Variants in VDAC1 observed in about 807,000 individuals in gnomAD.
The protein encoded by VDAC1 is non-selective voltage-gated ion channel VDAC1.
A neutral mutation model predicts 34.7 loss-of-function variants in VDAC1; 10 were observed. That is an observed-to-expected ratio of 0.29 (90% CI 0.18 to 0.49). The LOEUF (loss-of-function observed/expected upper bound fraction) is 0.49. Among genes scored for constraint, VDAC1 ranks in the 20% least tolerant of loss-of-function variants. The probability of loss-of-function intolerance (pLI) is 0.99; values close to 1 mark genes in which losing one functional copy is unlikely to be tolerated. For missense variants in VDAC1, 230 were observed against 347.9 expected, an observed-to-expected ratio of 0.66 and a Z score of 2.69; for synonymous variants, 130 against 136.0, an observed-to-expected ratio of 0.96 and a Z score of 0.30.
At position 133,972,640 on chromosome 5, in the gene VDAC1, A is replaced by G. The variant is rs774928159; in HGVS notation, c.*131T>C. The G allele has an allele frequency of 2.6e-5, 20 of 765,850 alleles. No individual in the cohort carries two copies. Among genetic ancestry groups the G allele is most frequent in the Non-Finnish European group, 4.0e-5 (19 of 477,580 alleles). The allele number at this position is 765,850 out of a possible 1,614,324, so 47.4% of individuals were successfully genotyped here. ...AGGGTAACATCTTAAAGCTGAATCA[A>G]CTTTAACCTGGAGGGCTAACATATT... is the stretch of plus-strand genomic sequence containing the variant. On this transcript the variant is annotated 3_prime_UTR_variant, in exon 9 of 9. Coordinates refer to ENST00000265333, the MANE Select transcript of VDAC1 (RefSeq NM_003374.3).
At chr5:134,062,651 G>C in the VDAC1 span, among the ~76,000 whole-genome samples, 1 of 151,438 alleles carries the variant, frequency 6.6e-6, no homozygotes, top group Non-Finnish European at 1.5e-5. Context: ...GTTTGCGATG[G>C]AGTCTTGCTC....
rs565191003 is a variant in VDAC1 at position 133,976,938 on chromosome 5, G to C, written c.552-917C>G. ...AGGTGCCTGTAATCCCAGCAACCTG[G>C]GGGGGTGAGGCAGGAGAATCGTCTG... On this transcript the variant is annotated intron_variant, in intron 6 of 8. Coordinates refer to ENST00000265333, the MANE Select transcript of VDAC1 (RefSeq NM_003374.3). 5.3e-5 allele frequency among the ~76,000 whole-genome samples: 8 copies of C among 152,178 alleles called. No homozygotes were observed. In the East Asian group the frequency reaches 9.7e-4, roughly 18 times the overall value.
At chr5:134,042,682 G>A in the VDAC1 span, among the ~76,000 whole-genome samples, 1 of 152,108 alleles carries the variant, frequency 6.6e-6, no homozygotes, top group African/African-American at 2.4e-5. Context: ...TCGTAGAGAT[G>A]GGGTTTCACC....
the VDAC1 span, among the ~76,000 whole-genome samples, chr5:134,024,917 G>A: frequency 5.5e-3 from 835 of 152,298 alleles, 10 homozygotes; most frequent in African/African-American, 0.019. Context: ...TACCATACAC[G>A]TGAGTGAAGC....
the VDAC1 span, among the ~76,000 whole-genome samples, chr5:134,080,238 C>G: frequency 6.6e-6 from 1 of 152,240 alleles, no homozygotes; most frequent in Non-Finnish European, 1.5e-5. Flanking sequence ...CTTTCACAGT[C>G]CCTGGTGGCC....
At position 133,989,477 on chromosome 5, in the gene VDAC1, A is replaced by G. The variant is rs573263656; in HGVS notation, c.323+1378T>C. Among the ~76,000 whole-genome samples the G allele has an allele frequency of 1.8e-4, 27 of 151,772 alleles. No individual in the cohort carries two copies. In the East Asian group the frequency reaches 3.5e-3, roughly 20 times the overall value. On this transcript the variant is annotated intron_variant, in intron 5 of 8. Coordinates refer to ENST00000265333, the MANE Select transcript of VDAC1 (RefSeq NM_003374.3). ...TGGGTTCAAGCGATTCTCATGCCTC[A>G]GCATCCCAAGTATCTGGGACTACAG...
At chr5:134,001,362 A>G (rs1210082508) in intron 1 of VDAC1, among the ~76,000 whole-genome samples, 1 of 152,172 alleles carries the variant, frequency 6.6e-6, no homozygotes, top group African/African-American at 2.4e-5. Context: ...GAGCCCCCAG[A>G]AAGGTGCTGA....
At chr5:134,105,114 C>T in the VDAC1 span, among the ~76,000 whole-genome samples, 177 of 152,286 alleles carry the variant, frequency 1.2e-3, 1 homozygote, top group Non-Finnish European at 2.2e-3. Flanking sequence ...GAACTCGCTC[C>T]GTGAATGGAT....
At chr5:134,054,309 G>A in the VDAC1 span, among the ~76,000 whole-genome samples, 1 of 152,166 alleles carries the variant, frequency 6.6e-6, no homozygotes, top group Non-Finnish European at 1.5e-5. Context: ...GCAGGAACAA[G>A]GTGCAGCGGC....
intron 8 of VDAC1, 82 bp downstream of exon 8, chr5:133,973,709 A>G: frequency 1.6e-6 from 2 of 1,289,812 alleles, no homozygotes; most frequent in East Asian, 2.3e-5. Flanking sequence ...TAAACATTTT[A>G]TAAGCAATGA....
At chr5:133,991,231 T>C in intron 3 of VDAC1, 77 bp from the exon 4 acceptor site, 1 of 1,575,364 alleles carries the variant, frequency 6.3e-7, no homozygotes, top group Non-Finnish European at 8.6e-7. Context: ...ACACTATACT[T>C]GCCTTTCTGC....
At chr5:134,084,757 A>T in the VDAC1 span, among the ~76,000 whole-genome samples, 1 of 152,266 alleles carries the variant, frequency 6.6e-6, no homozygotes, top group Admixed American at 6.5e-5. Context: ...TGGGCTTCAA[A>T]ACCTGCCAGG....
chr5:134,097,862 T>C, the VDAC1 span, among the ~76,000 whole-genome samples: 2 of 152,086 alleles, frequency 1.3e-5, no homozygotes, highest in Non-Finnish European at 2.9e-5. Flanking sequence ...CCTTTCTTTT[T>C]CTTTTTCTTT....
chr5:134,081,165 G>A, the VDAC1 span, among the ~76,000 whole-genome samples: 4 of 151,960 alleles, frequency 2.6e-5, no homozygotes, highest in African/African-American at 7.3e-5. Context: ...AGCCTCCCAA[G>A]TAGCTGGAAT....
intron 1 of VDAC1, among the ~76,000 whole-genome samples, chr5:134,004,305 G>A (rs931802813): frequency 1.3e-5 from 2 of 152,074 alleles, no homozygotes; most frequent in Middle Eastern, 6.8e-3. Context: ...GGCGCCGCCG[G>A]GGAAGGTCAC....
At position 133,975,093 on chromosome 5, in the gene VDAC1, A is replaced by G. The variant is rs368260240; in HGVS notation, c.702+778T>C. 2.9e-3 allele frequency among the ~76,000 whole-genome samples: 439 copies of G among 152,046 alleles called. 3 individuals are homozygous for G. The highest frequency in any genetic ancestry group is 9.3e-3 in the African/African-American group (385 of 41,484). On this transcript the variant is annotated intron_variant, in intron 7 of 8. Transcript: ENST00000265333. ...ACCAGCCCAGGCAACAGAGTGAGAC[A>G]TTGTCTCTACTAAAAATTTTTTTTT...
At chr5:133,987,016 C>T (rs943914330) in intron 5 of VDAC1, among the ~76,000 whole-genome samples, 2 of 152,108 alleles carry the variant, frequency 1.3e-5, no homozygotes, top group African/African-American at 4.8e-5. Context: ...ATAGCTCTTC[C>T]TTACGGTAGA....
chr5:134,026,536 A>C, the VDAC1 span, among the ~76,000 whole-genome samples: 3 of 151,580 alleles, frequency 2.0e-5, no homozygotes, highest in Admixed American at 6.6e-5. Flanking sequence ...AAAAAAAAAA[A>C]AAACACTAAA....
chr5:134,083,935 A>G, the VDAC1 span, among the ~76,000 whole-genome samples: 1 of 152,196 alleles, frequency 6.6e-6, no homozygotes, highest in Non-Finnish European at 1.5e-5. Flanking sequence ...AGGCTTTTTA[A>G]GCCCTAAGGT....
Sources: allele counts gnomAD v4.1 joint callset (sites outside exome capture counted in the v4.1 genomes callset), GRCh38; gene constraint gnomAD v4.1.1; transcripts MANE v1.5; gene names NCBI Gene and HGNC (gene_info 2026-07-23, HGNC 2026-07-21).